DNAJC7: variants seen among roughly 807,000 people sequenced by gnomAD.
DNAJC7 encodes the protein dnaJ homolog subfamily C member 7.
A neutral mutation model predicts 67.4 loss-of-function variants in DNAJC7; 18 were observed. The ratio of observed to expected loss-of-function variants is 0.27; its 90% CI spans 0.18 to 0.40. The LOEUF is 0.40. DNAJC7 is among the 10% of genes least tolerant of loss of function. The probability of loss-of-function intolerance (pLI) is 1.00; values close to 1 mark genes in which losing one functional copy is unlikely to be tolerated. For missense variants in DNAJC7, 419 were observed against 613.8 expected, an observed-to-expected ratio of 0.68 and a Z score of 3.35; for synonymous variants, 220 against 207.8, an observed-to-expected ratio of 1.06 and a Z score of -0.50.
At chr17:42,013,925 G>C (rs546420726) in intron 1 of DNAJC7, 1 of 152,088 alleles carries the variant, frequency 6.6e-6, no homozygotes, top group Non-Finnish European at 1.5e-5. Flanking sequence ...CTCCAAGTCG[G>C]TGGGGCTACA....
chr17:42,003,726 G>A (rs1436456490), intron 1 of DNAJC7, among the ~76,000 whole-genome samples: 8 of 151,324 alleles, frequency 5.3e-5, no homozygotes, highest in African/African-American at 1.9e-4. Context: ...AGGATTAATT[G>A]GCTTCACCTA....
At chr17:41,979,884 C>T (rs1475502476) in intron 12 of DNAJC7, among the ~76,000 whole-genome samples, 21 of 151,522 alleles carry the variant, frequency 1.4e-4, no homozygotes, top group African/African-American at 5.1e-4. Flanking sequence ...TCACTTGAAC[C>T]CTGGAGGCGG....
At chr17:41,994,044 A>T (rs1418404525) in intron 5 of DNAJC7, among the ~76,000 whole-genome samples, 3 of 138,966 alleles carry the variant, frequency 2.2e-5, no homozygotes, top group Non-Finnish European at 4.7e-5. Context: ...ACTCTCTCTC[A>T]AAAAAAAAAA....
At chr17:41,994,223 C>T (rs2051593502) in intron 5 of DNAJC7, among the ~76,000 whole-genome samples, 1 of 151,864 alleles carries the variant, frequency 6.6e-6, no homozygotes. Context: ...ATAATCCCAG[C>T]TACTCAGGAG....
At chr17:41,990,441 C>A in intron 5 of DNAJC7, 59 bp from the exon 6 acceptor site, 1 of 1,442,548 alleles carries the variant, frequency 6.9e-7, no homozygotes, top group Non-Finnish European at 9.6e-7. Context: ...AACATCTTCA[C>A]TTTAGTTTAG....
At chr17:42,005,889 C>T (rs151088251) in intron 1 of DNAJC7, among the ~76,000 whole-genome samples, 40 of 151,452 alleles carry the variant, frequency 2.6e-4, no homozygotes, top group African/African-American at 9.0e-4. Flanking sequence ...TACAGGCACA[C>T]GCCACCATGC....
At chr17:42,008,205 G>A (rs897958624) in intron 1 of DNAJC7, among the ~76,000 whole-genome samples, 3 of 150,152 alleles carry the variant, frequency 2.0e-5, no homozygotes, top group East Asian at 4.2e-4. Context: ...CCACCTATTC[G>A]GGAGGCTGAG....
intron 9 of DNAJC7, chr17:41,985,670 T>A (rs1469178062): frequency 6.6e-6 from 1 of 152,214 alleles, no homozygotes; most frequent in African/African-American, 2.4e-5. Context: ...CATGATGGCA[T>A]GTGTAGCAAA....
At chr17:42,017,018 G>C (rs1334405377) in intron 1 of DNAJC7, 3 of 1,305,660 alleles carry the variant, frequency 2.3e-6, no homozygotes, top group Middle Eastern at 3.0e-4. Flanking sequence ...AGTCGTCATC[G>C]ACGCCGCGCC....
Position 41,996,419 on chromosome 17 carries a change from A to C in DNAJC7, c.297T>G (p.His99Gln). 1 of 1,613,134 alleles carries C rather than the reference A, an allele frequency of 6.2e-7. No individual in the cohort carries two copies. The highest frequency in any genetic ancestry group is 1.7e-4 in the Middle Eastern group (1 of 6,056). The change falls in exon 4 of 14, where the codon CAT becomes CAG. Residue 99 changes from histidine (H) to glutamine (Q), a missense_variant. Physicochemically the swap from His to Gln is conservative, Grantham distance 24. This residue lies in a region of DNAJC7 where 179 missense variants were observed against 249.7 expected (regional missense o/e 0.72). Transcript: ENST00000457167. The part of the protein sequence containing the change: ...VRLDDSFVRG[H>Q]LREGKCHLSL... ...AGAGGTGGCACTTGCCCTCTCGTAGATGTCCCTAAAAGAACACCAAGAGGG... is the reference window on the plus strand; with the variant it reads ...AGAGGTGGCACTTGCCCTCTCGTAGCTGTCCCTAAAAGAACACCAAGAGGG...
At chr17:41,989,578 C>A in intron 6 of DNAJC7, 21 bp from the exon 7 acceptor site, 1 of 1,612,106 alleles carries the variant, frequency 6.2e-7, no homozygotes, top group Non-Finnish European at 8.5e-7. Context: ...CAGAAAAGGG[C>A]ACATTGAGCT....
chr17:41,997,155 T>C lies in DNAJC7; in HGVS notation c.251A>G (p.Asp84Gly). The change falls in exon 3 of 14, where the codon GAT (aspartate) becomes GGT (glycine). Residue 84 changes from aspartate to glycine, a missense_variant. Asp to Gly is a moderately conservative substitution (Grantham distance 94). Transcript: ENST00000457167. ...MLGRFREALGDAQQSVRLDDS... is the reference protein window; with the variant it reads ...MLGRFREALGGAQQSVRLDDS... ...ATCCAACCTCACTGACTGTTGTGCA[T>C]CTCCAAGAGCTTCCCGGAACCTTCC... The C allele has an allele frequency of 6.2e-7, 1 of 1,613,948 alleles. No individual in the cohort carries two copies. Among genetic ancestry groups the C allele is most frequent in the Non-Finnish European group, 8.5e-7 (1 of 1,179,866 alleles).
chr17:42,012,818 C>T (rs782761193), intron 1 of DNAJC7, among the ~76,000 whole-genome samples: 13 of 151,936 alleles, frequency 8.6e-5, no homozygotes, highest in Non-Finnish European at 1.6e-4. Flanking sequence ...TTTTTTGAGA[C>T]AGGGTTTCAC....
intron 1 of DNAJC7, among the ~76,000 whole-genome samples, chr17:42,006,213 G>A (rs1366596428): frequency 1.3e-5 from 2 of 150,950 alleles, no homozygotes; most frequent in South Asian, 2.1e-4. Context: ...GAGTGCAGTG[G>A]CGCAATCTCG....
intron 2 of DNAJC7, among the ~76,000 whole-genome samples, 193 bp from the exon 3 acceptor site, chr17:41,997,432 C>T (rs879952185): frequency 1.7e-5 from 2 of 118,370 alleles, no homozygotes; most frequent in Non-Finnish European, 3.7e-5. Flanking sequence ...TACTAAAATA[C>T]AAAAAAAAAA....
chr17:41,996,853 G>C (rs575591522), intron 3 of DNAJC7, among the ~76,000 whole-genome samples: 1 of 152,238 alleles, frequency 6.6e-6, no homozygotes, highest in African/African-American at 2.4e-5. Flanking sequence ...TTCTCAACCT[G>C]GGCAATGTGC....
rs782735893 is a variant in DNAJC7 at position 41,982,385 on chromosome 17, T to A, written c.1101A>T (p.Leu367=). 1.9e-6 allele frequency: 3 copies of A among 1,613,988 alleles called. No homozygotes were observed. In the Admixed American group the frequency reaches 5.0e-5, roughly 27 times the overall value. Residue 367 remains leucine (L), a synonymous_variant, in exon 11 of 14, where the codon CTA becomes CTT. Coordinates refer to ENST00000457167, the MANE Select transcript of DNAJC7 (RefSeq NM_003315.4). The stretch of plus-strand genomic sequence containing the variant: ...TCTTCAGTTCCAGCTGCGCATTTTT[T>A]AGGAGCTGTTTGTGTTCTACAGGAA... ...TEKTKEHKQL[L]KNAQLELKKS... is the part of the protein sequence containing the mutation.
chr17:41,977,672 G>A (rs1210935811), intron 12 of DNAJC7: 20 of 184,348 alleles, frequency 1.1e-4, no homozygotes, highest in African/African-American at 4.2e-4. Flanking sequence ...ATGCTGGAGC[G>A]GCTACTAAAA....
intron 2 of DNAJC7, among the ~76,000 whole-genome samples, 159 bp from the exon 3 acceptor site, chr17:41,997,398 G>C (rs1555648830): frequency 6.7e-6 from 1 of 149,934 alleles, no homozygotes; most frequent in African/African-American, 2.5e-5. Context: ...GACCAGCCTA[G>C]TCAACATGGC....
Sources: gnomAD v4.1 joint callset for allele counts (sites outside exome capture counted in the v4.1 genomes callset) on GRCh38, gnomAD v4.1.1 for gene constraint, gnomAD v4.1.1 regional missense constraint, MANE v1.5 for transcripts, NCBI Gene and HGNC (gene_info 2026-07-23, HGNC 2026-07-21) for gene names.